PDGFRA: variants seen among roughly 807,000 people sequenced by gnomAD.
PDGFRA encodes platelet derived growth factor receptor alpha.
A neutral mutation model predicts 121.5 loss-of-function variants in PDGFRA; 25 were observed. That is an observed-to-expected ratio of 0.21 (90% confidence interval 0.15 to 0.29). The LOEUF (loss-of-function observed/expected upper bound fraction) is 0.29, where lower values mean the gene tolerates loss of function less well. Among genes scored for constraint, PDGFRA ranks in the 10% least tolerant of loss-of-function variants. The pLI is 1.00. For missense variants in PDGFRA, 1,008 were observed against 1,345.1 expected (o/e 0.75, Z 3.92); for synonymous variants, 463 against 494.8 (o/e 0.94, Z 0.85).
intron 16 of PDGFRA, chr4:54,281,733 T>A: frequency 7.4e-7 from 1 of 1,353,134 alleles, no homozygotes; most frequent in South Asian, 1.3e-5. Flanking sequence ...TTGCTGAACA[T>A]TTTCAAAAAG....
intron 1 of PDGFRA, among the ~76,000 whole-genome samples, chr4:54,233,544 G>A (rs943604472): frequency 6.6e-6 from 1 of 152,232 alleles, no homozygotes; most frequent in Non-Finnish European, 1.5e-5. Context: ...GTGGAGCGCA[G>A]CGCTGGAACC....
In PDGFRA at chr4:54,263,760, A is replaced by G. The variant is rs948286384; in HGVS notation, c.461A>G (p.Asp154Gly). Reference protein sequence around the residue: ...DSAIIPCRTTDPETPVTLHNS... With the variant: ...DSAIIPCRTTGPETPVTLHNS... ...GCCATTATACCTTGTCGCACAACTG[A>G]TCCCGAGACTCCTGTAACCTTACAC... The change falls in exon 4 of 23, where the codon GAT becomes GGT. Residue 154 changes from aspartate (D) to glycine (G), a missense_variant. By Grantham distance (94) the Asp-to-Gly change is moderately conservative (BLOSUM62 -1). Coordinates refer to ENST00000257290, the MANE Select transcript of PDGFRA (RefSeq NM_006206.6). The G allele has an allele frequency of 9.9e-6, 16 of 1,613,906 alleles. No individual in the cohort carries two copies. Among genetic ancestry groups the G allele is most frequent in the Non-Finnish European group, 1.4e-5 (16 of 1,179,978 alleles).
Position 54,295,111 on chromosome 4 carries a change from T to C in PDGFRA, c.3123-14T>C, listed in dbSNP as rs1724812271. ...GCAGGAGTTGTAATATTTGCTCTTC[T>C]CTCCCTCCTCCAGCTCGCAGACCTC... On this transcript the variant is annotated splice_polypyrimidine_tract_variant and intron_variant, in intron 22 of 22. Coordinates refer to ENST00000257290, the MANE Select transcript of PDGFRA (RefSeq NM_006206.6). 2 of 1,613,386 alleles carry C rather than the reference T, an allele frequency of 1.2e-6. No homozygotes were observed. The highest frequency in any genetic ancestry group is 1.7e-6 in the Non-Finnish European group (2 of 1,179,368).
At chr4:54,253,209 G>C (rs1312597916) in intron 1 of PDGFRA, among the ~76,000 whole-genome samples, 1 of 152,218 alleles carries the variant, frequency 6.6e-6, no homozygotes, top group Non-Finnish European at 1.5e-5. Context: ...AAGAGAAGTT[G>C]AAGTAATCAT....
chr4:54,253,725 C>T (rs768888773), intron 1 of PDGFRA, among the ~76,000 whole-genome samples: 1 of 152,068 alleles, frequency 6.6e-6, no homozygotes, highest in Non-Finnish European at 1.5e-5. Context: ...TGCTCTGTTG[C>T]CCAGGCTGGA....
intron 1 of PDGFRA, among the ~76,000 whole-genome samples, chr4:54,242,860 G>C (rs878912931): frequency 6.6e-6 from 1 of 152,130 alleles, no homozygotes; most frequent in Admixed American, 6.6e-5. Context: ...TAAGCAGAGA[G>C]TTCTCCCTCA....
chr4:54,261,922 TATATA>T (rs1250622179), intron 3 of PDGFRA, among the ~76,000 whole-genome samples: 2 of 72,690 alleles, frequency 2.8e-5, no homozygotes, highest in African/African-American at 5.2e-5. Flanking sequence ...TATATATATA[TATATA>T]TATATTTTTT....
At chr4:54,253,987 T>G (rs1246429511) in intron 1 of PDGFRA, among the ~76,000 whole-genome samples, 1 of 152,198 alleles carries the variant, frequency 6.6e-6, no homozygotes, top group East Asian at 1.9e-4. Context: ...GCCTGGCCTG[T>G]TCTCACTGAT....
intron 15 of PDGFRA, chr4:54,279,002 A>G (rs1723916430): frequency 2.7e-6 from 1 of 375,336 alleles, no homozygotes; most frequent in Non-Finnish European, 5.4e-6. Flanking sequence ...AGAAAGTACA[A>G]TGAATTCACT....
intron 1 of PDGFRA, among the ~76,000 whole-genome samples, chr4:54,235,118 G>A (rs1720940320): frequency 6.6e-6 from 1 of 152,198 alleles, no homozygotes; most frequent in Non-Finnish European, 1.5e-5. Context: ...GCTGAAGTTA[G>A]GAGACTGCGT....
chr4:54,233,464 GC>G lies in PDGFRA; in HGVS notation c.-13+4050del, dbSNP rs761083079. Among the ~76,000 whole-genome samples, 13 of 152,358 alleles carry G rather than the reference GC, an allele frequency of 8.5e-5. 1 individual carries two copies. Among genetic ancestry groups the G allele is most frequent in the South Asian group, 2.1e-4 (1 of 4,834 alleles). Reference sequence around the variant, plus strand: ...GCCGGGTAAGATTCGCGGGGCTGTCGCGCCCTCTAGTGGGCTCCGGGGACGC... The same window carrying G: ...GCCGGGTAAGATTCGCGGGGCTGTCGGCCCTCTAGTGGGCTCCGGGGACGC... On this transcript the variant is annotated intron_variant, in intron 1 of 22. Transcript: ENST00000257290.
intron 18 of PDGFRA, among the ~76,000 whole-genome samples, chr4:54,286,339 A>ATTTT (rs1285259037): frequency 3.3e-5 from 5 of 150,628 alleles, no homozygotes; most frequent in Admixed American, 3.3e-4. Flanking sequence ...TTATTTATTT[A>ATTTT]TTTATTTATT....
chr4:54,239,204 G>A (rs925722837), intron 1 of PDGFRA, among the ~76,000 whole-genome samples: 27 of 152,256 alleles, frequency 1.8e-4, no homozygotes, highest in East Asian at 9.6e-4. Context: ...GTCTAAAAAG[G>A]GGAGGAACCC....
chr4:54,230,131 G>A (rs962417403), intron 1 of PDGFRA, among the ~76,000 whole-genome samples: 13 of 152,068 alleles, frequency 8.5e-5, no homozygotes, highest in African/African-American at 2.9e-4. Context: ...TTGGCGCGGC[G>A]GTGAGGCGGC....
chr4:54,267,003 A>T (rs954565416), intron 5 of PDGFRA, among the ~76,000 whole-genome samples: 2 of 152,176 alleles, frequency 1.3e-5, no homozygotes, highest in African/African-American at 2.4e-5. Flanking sequence ...AAAACAAAAT[A>T]AAAAATCTCA....
At chr4:54,255,037 T>C (rs1166795746) in intron 1 of PDGFRA, among the ~76,000 whole-genome samples, 1 of 152,058 alleles carries the variant, frequency 6.6e-6, no homozygotes, top group Non-Finnish European at 1.5e-5. Flanking sequence ...AGAGAGACCA[T>C]ATGGTGAAGT....
chr4:54,261,650 C>T (rs1722723297), intron 3 of PDGFRA, among the ~76,000 whole-genome samples: 1 of 151,756 alleles, frequency 6.6e-6, no homozygotes, highest in South Asian at 2.1e-4. Flanking sequence ...TGTATTGATA[C>T]TGTATAAACA....
At chr4:54,288,749 C>A (rs2110343964) in intron 19 of PDGFRA, 50 bp from the exon 20 acceptor site, 1 of 981,086 alleles carries the variant, frequency 1.0e-6, no homozygotes, top group Non-Finnish European at 1.7e-6. Context: ...AGTGTTTCAG[C>A]AATGCACTGA....
chr4:54,298,067 TAAAA>T lies in PDGFRA; in HGVS notation c.*2797_*2800del. Reference sequence around the variant, plus strand: ...TCCAAAATTTATATTTTAGAAATAATAAAAAGAAAGATACTTACATGTTCCCAAA... The same window carrying T: ...TCCAAAATTTATATTTTAGAAATAATAGAAAGATACTTACATGTTCCCAAA... On this transcript the variant is annotated 3_prime_UTR_variant, in exon 23 of 23. Coordinates refer to ENST00000257290, the MANE Select transcript of PDGFRA (RefSeq NM_006206.6). The T allele has an allele frequency of 4.4e-6, 1 of 226,104 alleles. No individual in the cohort carries two copies. Among genetic ancestry groups the T allele is most frequent in the Admixed American group, 5.7e-5 (1 of 17,524 alleles). 14.0% of individuals were successfully genotyped at this position (226,104 alleles called of 1,614,324 possible). A position where few individuals can be genotyped will look rare whatever the true frequency, so the allele number is the denominator to read the frequency against.
Sources: allele counts gnomAD v4.1 joint callset (sites outside exome capture counted in the v4.1 genomes callset), GRCh38; gene constraint gnomAD v4.1.1; transcripts MANE v1.5; gene names NCBI Gene and HGNC (gene_info 2026-07-23, HGNC 2026-07-21).